Variants in COL4A4 observed in about 807,000 individuals in gnomAD.
COL4A4 encodes collagen type IV alpha 4 chain.
COL4A4 carries 105 observed loss-of-function variants against 192.9 expected under a neutral mutation model. The ratio of observed to expected loss-of-function variants is 0.54; its 90% CI spans 0.46 to 0.64. COL4A4 has a LOEUF of 0.64. Ranked by LOEUF, COL4A4 falls within the 30% of genes least tolerant of loss-of-function variation. The pLI, the probability that COL4A4 is intolerant of heterozygous loss-of-function variation, is 0.00. For synonymous variants in COL4A4, 762 were observed against 769.9 expected (o/e 0.99, Z 0.17); for missense variants, 1,967 against 2,169.3 (o/e 0.91, Z 1.85).
chr2:227,048,256 T>G (rs2150156111), intron 34 of COL4A4, among the ~76,000 whole-genome samples: 1 of 152,332 alleles, frequency 6.6e-6, no homozygotes, highest in African/African-American at 2.4e-5. Flanking sequence ...TTACACTCCT[T>G]TCTAAAGGAG....
downstream of COL4A4, among the ~76,000 whole-genome samples, chr2:227,000,303 C>T (rs1960604808): frequency 6.6e-6 from 1 of 152,166 alleles, no homozygotes; most frequent in Non-Finnish European, 1.5e-5. Context: ...TTAACAGGTC[C>T]CCTGTGGTTT....
downstream of COL4A4, among the ~76,000 whole-genome samples, chr2:227,000,395 C>A (rs1306443175): frequency 6.6e-6 from 1 of 152,220 alleles, no homozygotes; most frequent in Non-Finnish European, 1.5e-5. Context: ...AGACTGACTG[C>A]TTGGGGACCA....
chr2:226,980,324 C>T, the COL4A4 span, among the ~76,000 whole-genome samples: 3 of 152,114 alleles, frequency 2.0e-5, no homozygotes, highest in Non-Finnish European at 2.9e-5. Flanking sequence ...CCCACCAGAG[C>T]GAGGTAGCAG....
intron 44 of COL4A4, among the ~76,000 whole-genome samples, chr2:227,012,625 T>G (rs1157134272): frequency 1.5e-5 from 2 of 132,814 alleles, no homozygotes; most frequent in Non-Finnish European, 3.1e-5. Context: ...CTTCATATAT[T>G]TGACTTCAAA....
At chr2:227,136,111 G>A (rs182793423) in intron 4 of COL4A4, among the ~76,000 whole-genome samples, 168 of 152,278 alleles carry the variant, frequency 1.1e-3, no homozygotes, top group African/African-American at 3.9e-3. Context: ...CAGGATCAAC[G>A]TTTTACTTGT....
At chr2:227,025,381 C>T (rs542489761) in intron 43 of COL4A4, among the ~76,000 whole-genome samples, 65 of 152,290 alleles carry the variant, frequency 4.3e-4, no homozygotes, top group African/African-American at 1.5e-3. Context: ...ATAGGAAAGG[C>T]TTGTCACAGC....
chr2:227,010,295 G>A lies in COL4A4; in HGVS notation c.4522+18C>T. 1 of 1,614,084 alleles carries A rather than the reference G, an allele frequency of 6.2e-7. No individual in the cohort carries two copies. Reference sequence around the variant, plus strand: ...TTTACTCTTCAGGCAATGGAGATGGGCGATCCTGTATCCATACCAAGGTCT... The same window carrying A: ...TTTACTCTTCAGGCAATGGAGATGGACGATCCTGTATCCATACCAAGGTCT... On this transcript the variant is annotated intron_variant, in intron 46 of 47. Coordinates refer to ENST00000396625, the MANE Select transcript of COL4A4 (RefSeq NM_000092.5).
chr2:227,103,452 C>T (rs1170863320), intron 13 of COL4A4, among the ~76,000 whole-genome samples: 4 of 152,146 alleles, frequency 2.6e-5, no homozygotes, highest in Non-Finnish European at 5.9e-5. Context: ...GGAATGCAGC[C>T]ATTGAAAAAG....
intron 34 of COL4A4, among the ~76,000 whole-genome samples, 182 bp from the exon 35 acceptor site, chr2:227,047,731 C>A (rs985777071): frequency 6.8e-6 from 1 of 146,228 alleles, no homozygotes; most frequent in South Asian, 2.2e-4. Context: ...AATTTACATA[C>A]CACACACACA....
At chr2:227,041,077 A>G (rs116507238) in intron 37 of COL4A4, among the ~76,000 whole-genome samples, 2,489 of 152,262 alleles carry the variant, frequency 0.016, 61 homozygotes, top group African/African-American at 0.057. Context: ...AAAAAAGATG[A>G]TGAACACTAA....
In COL4A4 at chr2:227,052,293, T is replaced by G. The variant is rs1251291050; in HGVS notation, c.2968+12A>C. The G allele has an allele frequency of 1.4e-6, 2 of 1,462,702 alleles. No individual in the cohort carries two copies. The highest frequency in any genetic ancestry group is 2.8e-5 in the African/African-American group (2 of 71,840). 90.6% of individuals were successfully genotyped at this position (1,462,702 alleles called of 1,614,324 possible). On this transcript the variant is annotated intron_variant, in intron 32 of 47. Coordinates refer to ENST00000396625, the MANE Select transcript of COL4A4 (RefSeq NM_000092.5). ...ACTTATTTGATATGGTTAAAAACTC[T>G]TAAGTGTTTACCTCTTTCTCCTGGG...
the COL4A4 span, among the ~76,000 whole-genome samples, chr2:226,979,590 G>A: frequency 2.8e-3 from 426 of 152,232 alleles, 3 homozygotes; most frequent in Non-Finnish European, 4.9e-3. Context: ...CAAGCATCCC[G>A]CACAGGAGGA....
In COL4A4 at chr2:227,004,704, G is replaced by C. The variant is rs555394725; in HGVS notation, c.*2621C>G. 1 of 152,238 alleles carries C rather than the reference G, an allele frequency of 6.6e-6. No homozygotes were observed. Among genetic ancestry groups the C allele is most frequent in the South Asian group, 2.1e-4 (1 of 4,820 alleles). 9.4% of individuals were successfully genotyped at this position (152,238 alleles called of 1,614,324 possible). A position where few individuals can be genotyped will look rare whatever the true frequency, so the allele number is the denominator to read the frequency against. On this transcript the variant is annotated 3_prime_UTR_variant, in exon 48 of 48. Coordinates refer to ENST00000396625, the MANE Select transcript of COL4A4 (RefSeq NM_000092.5). ...TGGGGAGTGTGAGAGCAGAACGAAA[G>C]GGCCACTCATAGCATGGAAACCTGC...
chr2:227,085,080 G>A (rs925613504), intron 22 of COL4A4, among the ~76,000 whole-genome samples: 2 of 151,670 alleles, frequency 1.3e-5, no homozygotes, highest in African/African-American at 4.8e-5. Context: ...GCGGTGAGCT[G>A]AGATTGCACC....
intron 28 of COL4A4, 22 bp from the exon 29 acceptor site, chr2:227,057,622 A>G (rs750381371): frequency 2.8e-5 from 45 of 1,612,768 alleles, no homozygotes; most frequent in Non-Finnish European, 3.6e-5. Context: ...CAATACATCC[A>G]TGACATTCAT....
rs1443756298 is a variant in COL4A4, at chr2:227,108,609, A to G, written c.707T>C (p.Val236Ala). 2 of 1,613,988 alleles carry G rather than the reference A, an allele frequency of 1.2e-6. No homozygotes were observed. The highest frequency in any genetic ancestry group is 2.7e-5 in the African/African-American group (2 of 74,944). Reference protein sequence around the residue: ...GRPGLKGNPGVGVKGQMGDPG... With the variant: ...GRPGLKGNPGAGVKGQMGDPG... ...GTCTCCCATTTGCCCCTTTACTCCC[A>G]CACCGGGATTTCCCTGAGAAAGAAA... Residue 236 changes from valine (V) to alanine (A), a missense_variant, in exon 12 of 48, where the codon GTG becomes GCG. Transcript: ENST00000396625.
At chr2:227,008,431 C>T (rs1962712852) in intron 46 of COL4A4, 127 bp from the exon 47 acceptor site, 3 of 1,094,908 alleles carry the variant, frequency 2.7e-6, no homozygotes, top group South Asian at 2.7e-5. Context: ...CCAAAGCCTG[C>T]TTCTGTGGTG....
Position 227,008,040 on chromosome 2 carries a change from C to T in COL4A4, c.4787G>A (p.Trp1596Ter), listed in dbSNP as rs1222429942. The T allele has an allele frequency of 2.5e-6, 4 of 1,612,842 alleles. No homozygotes were observed. The highest frequency in any genetic ancestry group is 3.4e-6 in the Non-Finnish European group (4 of 1,180,042). Residue 1596 changes from tryptophan (W) to a stop codon, truncating the protein, a stop_gained, in exon 47 of 48, where the codon TGG (tryptophan) becomes TAG (stop). Transcript: ENST00000396625. LOFTEE classifies it high-confidence loss of function. Reference sequence around the variant, plus strand: ...CACCATCAGGAATGAATACCCGATCCAGAGGCTCCTCCAGGTCTGCGGACA... The same window carrying T: ...CACCATCAGGAATGAATACCCGATCTAGAGGCTCCTCCAGGTCTGCGGACA... Reference protein sequence around the residue: ...PPCPQTWRSLWIGYSFLMHTG... With the variant: ...PPCPQTWRSL
At chr2:227,060,688 A>G (rs62225157) in intron 26 of COL4A4, among the ~76,000 whole-genome samples, 11,496 of 152,048 alleles carry the variant, frequency 0.076, 466 homozygotes, top group East Asian at 0.18. Context: ...CCTTAAATGA[A>G]GTATAGGCAA....
Sources: gnomAD v4.1 joint callset for allele counts (sites outside exome capture counted in the v4.1 genomes callset) on GRCh38, gnomAD v4.1.1 for gene constraint, MANE v1.5 for transcripts, NCBI Gene and HGNC (gene_info 2026-07-23, HGNC 2026-07-21) for gene names.